The following DACH1 variants were observed in gnomAD, a reference collection of about 807,000 sequenced individuals.
DACH1 encodes the protein dachshund homolog 1.
A neutral mutation model predicts 54.2 loss-of-function variants in DACH1; 12 were observed. The ratio of observed to expected loss-of-function variants is 0.22; its 90% CI spans 0.14 to 0.36. The LOEUF (loss-of-function observed/expected upper bound fraction) is 0.36, where lower values mean the gene tolerates loss of function less well. Ranked by LOEUF, DACH1 falls within the 10% of genes least tolerant of loss-of-function variation. DACH1 has a pLI of 1.00. For synonymous variants in DACH1, 386 were observed against 366.2 expected (o/e 1.05, Z -0.62); for missense variants, 805 against 929.8 (o/e 0.87, Z 1.75).
chr13:71,819,127 G>C (rs954415995), intron 1 of DACH1, among the ~76,000 whole-genome samples: 4 of 152,198 alleles, frequency 2.6e-5, no homozygotes, highest in Non-Finnish European at 4.4e-5. Flanking sequence ...GCTGCAATTG[G>C]AACATGGAGC....
At position 71,815,738 on chromosome 13, in the gene DACH1, G is replaced by A. The variant is rs528279420; in HGVS notation, c.848+50184C>T. 4.6e-5 allele frequency among the ~76,000 whole-genome samples: 7 copies of A among 152,268 alleles called. No homozygotes were observed. In the South Asian group the frequency reaches 1.2e-3, roughly 27 times the overall value. On this transcript the variant is annotated intron_variant, in intron 1 of 10. Transcript: ENST00000613252. ...CTGAATGCTCAACATGCATAACCTTGAACTACAGACTATGTCAACATAAAA... is the reference window on the plus strand; with the variant it reads ...CTGAATGCTCAACATGCATAACCTTAAACTACAGACTATGTCAACATAAAA...
intron 1 of DACH1, among the ~76,000 whole-genome samples, chr13:71,780,304 T>G (rs1032609217): frequency 1.1e-4 from 16 of 152,102 alleles, no homozygotes; most frequent in African/African-American, 2.2e-4. Flanking sequence ...CTATATAAAT[T>G]TATATGATAT....
rs1415276428 is a variant in DACH1 at position 71,735,309 on chromosome 13, C to T, written c.849-53399G>A. On this transcript the variant is annotated intron_variant, in intron 1 of 10. Transcript: ENST00000613252. Reference sequence around the variant, plus strand: ...GGGATATACACGTATACGGGATATACGTGTATATGGGATATACACGTATAC... The same window carrying T: ...GGGATATACACGTATACGGGATATATGTGTATATGGGATATACACGTATAC... Among the ~76,000 whole-genome samples the T allele has an allele frequency of 4.9e-5, 3 of 61,366 alleles. 1 individual carries two copies. The highest frequency in any genetic ancestry group is 8.0e-4 in the South Asian group (2 of 2,510). The allele number at this position is 61,366 out of a possible 152,430, so 40.3% of individuals were successfully genotyped here. A position where few individuals can be genotyped will look rare whatever the true frequency, so the allele number is the denominator to read the frequency against.
At chr13:71,855,452 T>C (rs1873940744) in intron 1 of DACH1, among the ~76,000 whole-genome samples, 1 of 151,972 alleles carries the variant, frequency 6.6e-6, no homozygotes, top group Non-Finnish European at 1.5e-5. Context: ...GTCAAACAAG[T>C]AGAGATGCTA....
At chr13:71,662,686 A>T (rs1304932071) in intron 2 of DACH1, among the ~76,000 whole-genome samples, 1 of 152,036 alleles carries the variant, frequency 6.6e-6, no homozygotes, top group Non-Finnish European at 1.5e-5. Flanking sequence ...AATACCATGA[A>T]ACTCATATAT....
At chr13:71,859,144 C>T (rs1460048983) in intron 1 of DACH1, among the ~76,000 whole-genome samples, 1 of 151,716 alleles carries the variant, frequency 6.6e-6, no homozygotes, top group Non-Finnish European at 1.5e-5. Flanking sequence ...TTTAAATGTG[C>T]AGAAGAATCC....
intron 1 of DACH1, among the ~76,000 whole-genome samples, chr13:71,820,350 T>C (rs1888136928): frequency 6.6e-6 from 1 of 152,062 alleles, no homozygotes; most frequent in African/African-American, 2.4e-5. Context: ...CCAAAGACAG[T>C]AGCAGCACCC....
intron 1 of DACH1, among the ~76,000 whole-genome samples, chr13:71,835,229 A>C (rs903467064): frequency 2.6e-5 from 4 of 152,218 alleles, no homozygotes; most frequent in African/African-American, 9.6e-5. Context: ...TTAATGAATA[A>C]AATACCTAGA....
At chr13:71,666,684 A>G (rs1879857126) in intron 2 of DACH1, among the ~76,000 whole-genome samples, 1 of 152,178 alleles carries the variant, frequency 6.6e-6, no homozygotes, top group African/African-American at 2.4e-5. Flanking sequence ...GCAAAAAGTG[A>G]TATTAAGTAA....
At chr13:71,813,982 T>C (rs1887818810) in intron 1 of DACH1, among the ~76,000 whole-genome samples, 1 of 152,200 alleles carries the variant, frequency 6.6e-6, no homozygotes, top group South Asian at 2.1e-4. Flanking sequence ...AGTGATGTTG[T>C]AGTCTCGGAA....
intron 6 of DACH1, among the ~76,000 whole-genome samples, chr13:71,496,644 C>A (rs1285361466): frequency 6.6e-6 from 1 of 151,624 alleles, no homozygotes; most frequent in Admixed American, 6.6e-5. Context: ...TATCCAAAAC[C>A]CTGACTTCAC....
Position 71,462,517 on chromosome 13 carries a change from A to G in DACH1, c.2083+12624T>C, listed in dbSNP as rs111796114. Among the ~76,000 whole-genome samples the G allele has an allele frequency of 4.8e-3, 727 of 151,658 alleles. 5 individuals carry two copies. Among genetic ancestry groups the G allele is most frequent in the African/African-American group, 0.016 (679 of 41,304 alleles). ...CAAAGAACAGCTATGTATCACATAC[A>G]GAAAAAAAAAATCATTGACTGAGGA... is the stretch of plus-strand genomic sequence containing the variant. On this transcript the variant is annotated intron_variant, in intron 10 of 10. Transcript: ENST00000613252.
intron 1 of DACH1, among the ~76,000 whole-genome samples, chr13:71,710,344 G>A (rs888752208): frequency 2.0e-5 from 3 of 151,942 alleles, no homozygotes. Flanking sequence ...AAGGTGCCAC[G>A]CAAATTGGAC....
chr13:71,617,514 C>T (rs1875872566), intron 3 of DACH1, among the ~76,000 whole-genome samples: 1 of 152,088 alleles, frequency 6.6e-6, no homozygotes, highest in African/African-American at 2.4e-5. Context: ...CTGCAGTCTT[C>T]ATCTCAAAAA....
rs116016446 is a variant in DACH1, at chr13:71,537,645, G to C, written c.1570+19379C>G. On this transcript the variant is annotated intron_variant, in intron 6 of 10. Transcript: ENST00000613252. Reference sequence around the variant, plus strand: ...GAGAGAATAAATAAAGTCTTCAAAGGCTCCTTCATGATTAGTCATTTCTCA... The same window carrying C: ...GAGAGAATAAATAAAGTCTTCAAAGCCTCCTTCATGATTAGTCATTTCTCA... Among the ~76,000 whole-genome samples, 858 of 152,060 alleles carry C rather than the reference G, an allele frequency of 5.6e-3. 6 individuals carry two copies. The highest frequency in any genetic ancestry group is 0.02 in the African/African-American group (816 of 41,504).
At chr13:71,481,559 GC>G (rs1316722054) in intron 7 of DACH1, among the ~76,000 whole-genome samples, 2 of 152,018 alleles carry the variant, frequency 1.3e-5, no homozygotes, top group Non-Finnish European at 2.9e-5. Flanking sequence ...AAAAATATTA[GC>G]TTTTAGGATC....
chr13:71,629,370 A>G (rs1354661577), intron 3 of DACH1, among the ~76,000 whole-genome samples: 1 of 151,966 alleles, frequency 6.6e-6, no homozygotes, highest in Admixed American at 6.6e-5. Context: ...ATTCAAATCC[A>G]CTACTGCTGG....
intron 1 of DACH1, among the ~76,000 whole-genome samples, chr13:71,838,934 AT>A (rs1344659340): frequency 6.6e-6 from 1 of 152,164 alleles, no homozygotes; most frequent in African/African-American, 2.4e-5. Flanking sequence ...TTTCATTTTT[AT>A]TCAGTGGTAT....
intron 6 of DACH1, among the ~76,000 whole-genome samples, chr13:71,522,298 G>A (rs1235467154): frequency 6.6e-6 from 1 of 152,012 alleles, no homozygotes; most frequent in Admixed American, 6.6e-5. Flanking sequence ...TCCACATTGA[G>A]ATTCAGATCT....
Sources: gnomAD v4.1 joint callset for allele counts (sites outside exome capture counted in the v4.1 genomes callset) on GRCh38, gnomAD v4.1.1 for gene constraint, MANE v1.5 for transcripts, NCBI Gene and HGNC (gene_info 2026-07-23, HGNC 2026-07-21) for gene names.